Variants in ZNHIT3 observed in about 807,000 individuals in gnomAD.
ZNHIT3 encodes zinc finger HIT-type containing 3.
Under a neutral mutation model 19.9 loss-of-function variants are expected in ZNHIT3, and 27 were observed. The ratio of observed to expected loss-of-function variants is 1.36; its 90% CI spans 1.00 to 1.87. The LOEUF (loss-of-function observed/expected upper bound fraction) is 1.87. Ranked by LOEUF, ZNHIT3 falls within the 40% of genes most tolerant of loss-of-function variation. The probability of loss-of-function intolerance (pLI) is 0.00; values close to 1 mark genes in which losing one functional copy is unlikely to be tolerated. For synonymous variants in ZNHIT3, 81 were observed against 65.7 expected (o/e 1.23, Z -1.13); for missense variants, 215 against 185.6 (o/e 1.16, Z -0.92).
At position 36,495,743 on chromosome 17, in the gene ZNHIT3, G is replaced by GT; in HGVS notation, c.*340dup. ...TGGTCAGTGTTAATAAAATCAAAAC[G>GT]TGATTCTACTGTACATTGCATTATT... is the stretch of plus-strand genomic sequence containing the variant. On this transcript the variant is annotated 3_prime_UTR_variant, in exon 5 of 5. Transcript: ENST00000617429. 2.4e-6 allele frequency: 3 copies of GT among 1,244,992 alleles called. No homozygotes were observed. The highest frequency in any genetic ancestry group is 3.0e-6 in the Non-Finnish European group (3 of 995,732). The allele number at this position is 1,244,992 out of a possible 1,614,324, so 77.1% of individuals were successfully genotyped here.
chr17:36,497,864 C>T (rs867086556), downstream of ZNHIT3: 6 of 181,788 alleles, frequency 3.3e-5, no homozygotes, highest in South Asian at 3.0e-4. Context: ...GGATTATAGG[C>T]GTGAGCCACC....
chr17:36,493,826 T>C, intron 3 of ZNHIT3, 100 bp from the exon 4 acceptor site: 1 of 800,806 alleles, frequency 1.2e-6, no homozygotes, highest in South Asian at 1.5e-5. Context: ...CACTATCACA[T>C]GTGCGTGCAC....
chr17:36,498,141 G>T, downstream of ZNHIT3: 1 of 1,064,468 alleles, frequency 9.4e-7, no homozygotes, highest in Non-Finnish European at 1.3e-6. Flanking sequence ...CAGCCCTCTG[G>T]TTTACCCAGT....
chr17:36,492,961 A>AG, intron 3 of ZNHIT3, 62 bp downstream of exon 3: 3 of 1,462,138 alleles, frequency 2.1e-6, no homozygotes, highest in Non-Finnish European at 2.9e-6. Flanking sequence ...TCGAAGGAAA[A>AG]GGGGAGAGTG....
At chr17:36,492,736 A>C (rs1341906224) in intron 2 of ZNHIT3, 77 bp from the exon 3 acceptor site, 2 of 1,301,214 alleles carry the variant, frequency 1.5e-6, no homozygotes, top group African/African-American at 1.5e-5. Context: ...TCCTACCTAG[A>C]TGCTACCTTG....
In ZNHIT3 at chr17:36,492,810, C is replaced by G. The variant is rs779938764; in HGVS notation, c.119-3C>G. ...GTGGGCCTGGGATTTGTGTCTTTTTCAGAACAGTGCAACCCTGAAACTCGT... is the reference window on the plus strand; with the variant it reads ...GTGGGCCTGGGATTTGTGTCTTTTTGAGAACAGTGCAACCCTGAAACTCGT... On this transcript the variant is annotated splice_region_variant and splice_polypyrimidine_tract_variant and intron_variant, in intron 2 of 4. Coordinates refer to ENST00000617429, the MANE Select transcript of ZNHIT3 (RefSeq NM_004773.4). 2.5e-6 allele frequency: 4 copies of G among 1,613,164 alleles called. No homozygotes were observed. The highest frequency in any genetic ancestry group is 3.4e-6 in the Non-Finnish European group (4 of 1,179,720).
Position 36,495,616 on chromosome 17 carries a change from A to G in ZNHIT3, c.*212A>G. 7.8e-7 allele frequency: 1 copy of G among 1,288,556 alleles called. No individual in the cohort carries two copies. Among genetic ancestry groups the G allele is most frequent in the Non-Finnish European group, 9.8e-7 (1 of 1,021,174 alleles). 79.8% of individuals were successfully genotyped at this position (1,288,556 alleles called of 1,614,324 possible). A position where few individuals can be genotyped will look rare whatever the true frequency, so the allele number is the denominator to read the frequency against. On this transcript the variant is annotated 3_prime_UTR_variant, in exon 5 of 5. Transcript: ENST00000617429. ...AAGGTGGCAAGTCCTTTATGGAGAG[A>G]AAACTTGACATTCAGATGATTGTTT...
intron 2 of ZNHIT3, among the ~76,000 whole-genome samples, chr17:36,488,157 A>G (rs956216558): frequency 6.6e-6 from 1 of 151,348 alleles, no homozygotes; most frequent in African/African-American, 2.4e-5. Context: ...TTGTACCAAT[A>G]TATAGAACTT....
At chr17:36,496,121 C>T, downstream of ZNHIT3, 1 of 1,298,368 alleles carries the variant, frequency 7.7e-7, no homozygotes, top group Non-Finnish European at 1.1e-6. Flanking sequence ...GGGTCGAAGG[C>T]TGGAGCCGTC....
At position 36,495,672 on chromosome 17, in the gene ZNHIT3, G is replaced by A; in HGVS notation, c.*268G>A. 1 of 1,278,416 alleles carries A rather than the reference G, an allele frequency of 7.8e-7. No homozygotes were observed. 79.2% of individuals were successfully genotyped at this position (1,278,416 alleles called of 1,614,324 possible). On this transcript the variant is annotated 3_prime_UTR_variant, in exon 5 of 5. Transcript: ENST00000617429. ...TGTTTTACTTTTGGTACAGTTGATAGACATCATAAACGATATCAAGCTTAC... is the reference window on the plus strand; with the variant it reads ...TGTTTTACTTTTGGTACAGTTGATAAACATCATAAACGATATCAAGCTTAC...
chr17:36,495,503 CAA>C lies in ZNHIT3; in HGVS notation c.*102_*103del. The C allele has an allele frequency of 7.1e-7, 1 of 1,409,088 alleles. No homozygotes were observed. The highest frequency in any genetic ancestry group is 9.2e-7 in the Non-Finnish European group (1 of 1,084,040). 87.3% of individuals were successfully genotyped at this position (1,409,088 alleles called of 1,614,324 possible). A position where few individuals can be genotyped will look rare whatever the true frequency, so the allele number is the denominator to read the frequency against. On this transcript the variant is annotated 3_prime_UTR_variant, in exon 5 of 5. Transcript: ENST00000617429. ...CTAGTTTGGGGCTGGGGAGCTCAGG[CAA>C]AAGAGGTTTCCAGGATGCAGATTAG... is the stretch of plus-strand genomic sequence containing the variant.
At chr17:36,490,347 T>C (rs1241017434) in intron 2 of ZNHIT3, 3 of 152,250 alleles carry the variant, frequency 2.0e-5, no homozygotes, top group Admixed American at 6.5e-5. Flanking sequence ...AGTGCTTTTT[T>C]CCCCAGTATA....
At chr17:36,499,285 A>G (rs2071288303), downstream of ZNHIT3, 2 of 621,300 alleles carry the variant, frequency 3.2e-6, no homozygotes, top group Non-Finnish European at 5.5e-6. Flanking sequence ...TTTTCAATAA[A>G]TTGCTACAAA....
downstream of ZNHIT3, chr17:36,497,653 C>G (rs1372893941): frequency 3.8e-6 from 2 of 522,320 alleles, no homozygotes; most frequent in African/African-American, 4.1e-5. Flanking sequence ...GGCGCAATCT[C>G]GGCTCACTGC....
rs1436700466 is a variant in ZNHIT3 at position 36,495,477 on chromosome 17, G to A, written c.*73G>A. On this transcript the variant is annotated 3_prime_UTR_variant, in exon 5 of 5. Coordinates refer to ENST00000617429, the MANE Select transcript of ZNHIT3 (RefSeq NM_004773.4). The stretch of plus-strand genomic sequence containing the variant: ...CCTGCCTGCTCCCTCTCCCAGACCA[G>A]CTAGTTTGGGGCTGGGGAGCTCAGG... 8 of 1,468,482 alleles carry A rather than the reference G, an allele frequency of 5.4e-6. No individual in the cohort carries two copies. The highest frequency in any genetic ancestry group is 6.3e-6 in the Non-Finnish European group (7 of 1,112,646). 91.0% of individuals were successfully genotyped at this position (1,468,482 alleles called of 1,614,324 possible).
chr17:36,496,519 T>C (rs1180472649), downstream of ZNHIT3: 20 of 956,006 alleles, frequency 2.1e-5, no homozygotes, highest in Middle Eastern at 1.0e-3. Flanking sequence ...AGTACTAGTA[T>C]TGGGGGCCAC....
chr17:36,497,490 T>A, downstream of ZNHIT3: 2 of 974,896 alleles, frequency 2.1e-6, no homozygotes, highest in Non-Finnish European at 2.4e-6. Flanking sequence ...TGGGACTAAT[T>A]AGATTATTTG....
chr17:36,489,299 T>G (rs2070669207), intron 2 of ZNHIT3: 1 of 152,236 alleles, frequency 6.6e-6, no homozygotes, highest in Non-Finnish European at 1.5e-5. Context: ...TTCCTTTGGA[T>G]ATATATACAG....
At chr17:36,496,201 G>T, downstream of ZNHIT3, 1 of 1,604,674 alleles carries the variant, frequency 6.2e-7, no homozygotes, top group Non-Finnish European at 8.5e-7. Context: ...AAATGTCTTT[G>T]GCAAGGCAGG....
Sources: allele counts gnomAD v4.1 joint callset (sites outside exome capture counted in the v4.1 genomes callset), GRCh38; gene constraint gnomAD v4.1.1; transcripts MANE v1.5; gene names NCBI Gene and HGNC (gene_info 2026-07-23, HGNC 2026-07-21).